Variants in FEZF2 observed in about 807,000 individuals in gnomAD.
FEZF2 encodes the protein fez family zinc finger protein 2.
FEZF2 carries 2 observed loss-of-function variants against 32.8 expected under a neutral mutation model. The observed-to-expected ratio is 0.06, with a 90% CI of 0.02 to 0.19. The LOEUF (loss-of-function observed/expected upper bound fraction) is 0.19. Among genes scored for constraint, FEZF2 ranks in the 10% least tolerant of loss-of-function variants. The pLI is 1.00. For missense variants in FEZF2, 516 were observed against 625.4 expected, an observed-to-expected ratio of 0.83 and a Z score of 1.87; for synonymous variants, 322 against 284.8, an observed-to-expected ratio of 1.13 and a Z score of -1.32.
rs1405998787 is a variant in FEZF2, at chr3:62,370,966, G to T, written c.1120+251C>A. 6.6e-6 allele frequency among the ~76,000 whole-genome samples: 1 copy of T among 152,066 alleles called. No homozygotes were observed. The highest frequency in any genetic ancestry group is 1.5e-5 in the Non-Finnish European group (1 of 68,012). ...TCCTTTTCCTACATCCTTTCCTTCT[G>T]TCCCCGTGCTTCCTTCGACCTCTCG... On this transcript the variant is annotated intron_variant, in intron 4 of 4. Coordinates refer to ENST00000283268, the MANE Select transcript of FEZF2 (RefSeq NM_018008.4). This position sits in a 1 kb window ranked among gnomAD's most constrained non-coding sequence, Gnocchi z 4.2.
Position 62,370,575 on chromosome 3 carries a change from C to T in FEZF2, c.1121-233G>A, listed in dbSNP as rs553146371. On this transcript the variant is annotated intron_variant, in intron 4 of 4. Transcript: ENST00000283268. The surrounding 1 kb of genome is among the most constrained non-coding windows in gnomAD (Gnocchi z 4.2). The stretch of plus-strand genomic sequence containing the variant: ...GAGCCGCTCTGCGCTCCTGCTCTGC[C>T]CGCCACAGAGGCTGGTGCAGCTTCC... 9.2e-5 allele frequency among the ~76,000 whole-genome samples: 14 copies of T among 152,340 alleles called. No individual in the cohort carries two copies. The highest frequency in any genetic ancestry group is 9.1e-4 in the Admixed American group (14 of 15,306).
Position 62,372,906 on chromosome 3 carries a change from C to T in FEZF2, c.-38G>A. ...TGAGCCGAGCCAGGCTGGGCCAGGG[C>T]GCAGCCTCTCTCCTCTAAGTCTGCA... On this transcript the variant is annotated 5_prime_UTR_variant, in exon 2 of 5. Transcript: ENST00000283268. The surrounding 1 kb of genome is among the most constrained non-coding windows in gnomAD (Gnocchi z 9.6). 1 of 1,360,452 alleles carries T rather than the reference C, an allele frequency of 7.4e-7. No individual in the cohort carries two copies. The highest frequency in any genetic ancestry group is 9.5e-7 in the Non-Finnish European group (1 of 1,050,670). The allele number at this position is 1,360,452 out of a possible 1,614,324, so 84.3% of individuals were successfully genotyped here. A position where few individuals can be genotyped will look rare whatever the true frequency, so the allele number is the denominator to read the frequency against.
chr3:62,372,524 G>C lies in FEZF2; in HGVS notation c.345C>G (p.Gly115=), dbSNP rs556316506. 2,676 of 1,260,302 alleles carry C rather than the reference G, an allele frequency of 2.1e-3. 30 individuals are homozygous for C. The African/African-American group carries it at 0.033, about 16-fold the overall frequency. The allele number at this position is 1,260,302 out of a possible 1,614,324, so 78.1% of individuals were successfully genotyped here. The change falls in exon 2 of 5, where the codon GGC becomes GGG. Residue 115 remains glycine, a synonymous_variant. Coordinates refer to ENST00000283268, the MANE Select transcript of FEZF2 (RefSeq NM_018008.4). This position sits in a 1 kb window ranked among gnomAD's most constrained non-coding sequence, Gnocchi z 9.6. Reference sequence around the variant, plus strand: ...TGGCGCCGCACACTGGGGCCCCCCCGCCGCCGCCGCCGCCACCGCCGCCGC... The same window carrying C: ...TGGCGCCGCACACTGGGGCCCCCCCCCCGCCGCCGCCGCCACCGCCGCCGC... The part of the protein sequence containing the change: ...GGGGGGGGGG[G]GGAPVCGASG...
At chr3:62,371,410 A>AT (rs1237558619) in intron 3 of FEZF2, 61 bp from the exon 4 acceptor site, 1 of 1,589,114 alleles carries the variant, frequency 6.3e-7, no homozygotes, top group East Asian at 2.2e-5. Context: ...TGGAAGGGAC[A>AT]TCCCCCCCAC....
chr3:62,372,340 A>C lies in FEZF2; in HGVS notation c.529T>G (p.Ser177Ala). Reference sequence around the variant, plus strand: ...AGCTCAGACGGCGGGTACGCGGTCGAGTCCAGGTAGTTGAAGTAGTAGAGC... The same window carrying C: ...AGCTCAGACGGCGGGTACGCGGTCGCGTCCAGGTAGTTGAAGTAGTAGAGC... ...GSLYYFNYLD[S>A]TAYPPSELLS... The change falls in exon 2 of 5, where the codon TCG becomes GCG. Residue 177 changes from serine to alanine, a missense_variant. Physicochemically the swap from Ser to Ala is moderately conservative, Grantham distance 99. Coordinates refer to ENST00000283268, the MANE Select transcript of FEZF2 (RefSeq NM_018008.4). The surrounding 1 kb of genome is among the most constrained non-coding windows in gnomAD (Gnocchi z 9.6). The C allele has an allele frequency of 6.2e-7, 1 of 1,610,554 alleles. No homozygotes were observed. Among genetic ancestry groups the C allele is most frequent in the Non-Finnish European group, 8.5e-7 (1 of 1,179,666 alleles).
intron 2 of FEZF2, 121 bp from the exon 3 acceptor site, chr3:62,371,788 G>C: frequency 6.8e-7 from 1 of 1,464,704 alleles, no homozygotes; most frequent in Non-Finnish European, 9.1e-7. Flanking sequence ...GCCTTTTTCA[G>C]TTTGTAAAGT....
intron 2 of FEZF2, 75 bp downstream of exon 2, chr3:62,371,942 A>C: frequency 6.5e-7 from 1 of 1,537,400 alleles, no homozygotes; most frequent in Non-Finnish European, 8.7e-7. Context: ...AAAAAGGGGC[A>C]TTCCAGGCTG....
At chr3:62,371,754 C>A (rs896796678) in intron 2 of FEZF2, 87 bp from the exon 3 acceptor site, 2 of 1,524,682 alleles carry the variant, frequency 1.3e-6, no homozygotes, top group African/African-American at 1.4e-5. Flanking sequence ...CCTCCCCCAA[C>A]CAACACCCCC....
At position 62,372,530 on chromosome 3, in the gene FEZF2, G is replaced by A. The variant is rs1559837368; in HGVS notation, c.339C>T (p.Gly113=). The change falls in exon 2 of 5, where the codon GGC becomes GGT. Residue 113 remains glycine, a synonymous_variant. Coordinates refer to ENST00000283268, the MANE Select transcript of FEZF2 (RefSeq NM_018008.4). This position sits in a 1 kb window ranked among gnomAD's most constrained non-coding sequence, Gnocchi z 9.6. ...GGGGGGGGGG[G]GGGGAPVCGA... is the part of the protein sequence containing the mutation. ...CGCACACTGGGGCCCCCCCGCCGCC[G>A]CCGCCGCCACCGCCGCCGCCGCCTC... The A allele has an allele frequency of 3.1e-6, 4 of 1,303,852 alleles. No homozygotes were observed. The highest frequency in any genetic ancestry group is 6.0e-5 in the South Asian group (2 of 33,384). The allele number at this position is 1,303,852 out of a possible 1,614,324, so 80.8% of individuals were successfully genotyped here.
chr3:62,372,958 G>A lies in FEZF2; in HGVS notation c.-58-32C>T, dbSNP rs982012530. 7 of 1,253,676 alleles carry A rather than the reference G, an allele frequency of 5.6e-6. No homozygotes were observed. Among genetic ancestry groups the A allele is most frequent in the Non-Finnish European group, 7.2e-6 (7 of 972,216 alleles). 77.7% of individuals were successfully genotyped at this position (1,253,676 alleles called of 1,614,324 possible). On this transcript the variant is annotated intron_variant, in intron 1 of 4. Coordinates refer to ENST00000283268, the MANE Select transcript of FEZF2 (RefSeq NM_018008.4). This position sits in a 1 kb window ranked among gnomAD's most constrained non-coding sequence, Gnocchi z 9.6. ...TCCGGAAAAGGCAGGGGGGAAAACT[G>A]CAATTTAATAAGCACCTAGTCGGGC...
In FEZF2 at chr3:62,370,470, C is replaced by G; in HGVS notation, c.1121-128G>C. ...CGACGCTTGGCTAGGCGGGCGCGAC[C>G]TCTTCGAGTGAAGAAGTTGTCAAAC... is the stretch of plus-strand genomic sequence containing the variant. On this transcript the variant is annotated intron_variant, in intron 4 of 4. Coordinates refer to ENST00000283268, the MANE Select transcript of FEZF2 (RefSeq NM_018008.4). The surrounding 1 kb of genome is among the most constrained non-coding windows in gnomAD (Gnocchi z 4.2). 3 of 930,230 alleles carry G rather than the reference C, an allele frequency of 3.2e-6. No individual in the cohort carries two copies. Among genetic ancestry groups the G allele is most frequent in the East Asian group, 2.4e-5 (1 of 41,438 alleles). 57.6% of individuals were successfully genotyped at this position (930,230 alleles called of 1,614,324 possible).
intron 3 of FEZF2, 57 bp from the exon 4 acceptor site, chr3:62,371,406 G>A: frequency 6.3e-7 from 1 of 1,592,020 alleles, no homozygotes; most frequent in Non-Finnish European, 8.6e-7. Context: ...CACCTGGAAG[G>A]GACATCCCCC....
intron 2 of FEZF2, 30 bp downstream of exon 2, chr3:62,371,987 C>A (rs754993679): frequency 5.0e-6 from 8 of 1,591,910 alleles, no homozygotes; most frequent in Non-Finnish European, 6.8e-6. Context: ...TCGCCCCTCC[C>A]GGCCCCCCTC....
chr3:62,372,479 G>C lies in FEZF2; in HGVS notation c.390C>G (p.Asn130Lys). 1 of 1,578,154 alleles carries C rather than the reference G, an allele frequency of 6.3e-7. No individual in the cohort carries two copies. The highest frequency in any genetic ancestry group is 8.6e-7 in the Non-Finnish European group (1 of 1,164,944). ...VCGASGLCKT[N>K]CGVCCKAELG... Reference sequence around the variant, plus strand: ...GCTCGGCCTTGCAGCACACGCCACAGTTGGTTTTGCACAAGCCGCTGGCGC... The same window carrying C: ...GCTCGGCCTTGCAGCACACGCCACACTTGGTTTTGCACAAGCCGCTGGCGC... Residue 130 changes from asparagine to lysine, a missense_variant, in exon 2 of 5, where the codon AAC becomes AAG. Physicochemically the swap from Asn to Lys is moderately conservative, Grantham distance 94. Transcript: ENST00000283268. The surrounding 1 kb of genome is among the most constrained non-coding windows in gnomAD (Gnocchi z 9.6).
chr3:62,371,500 G>C, intron 3 of FEZF2, 33 bp downstream of exon 3: 5 of 1,594,266 alleles, frequency 3.1e-6, no homozygotes, highest in Non-Finnish European at 4.3e-6. Flanking sequence ...TGGGGGTTGC[G>C]CGCGGGCTAG....
chr3:62,371,811 C>G (rs965446256), intron 2 of FEZF2, 144 bp from the exon 3 acceptor site: 2 of 1,393,886 alleles, frequency 1.4e-6, no homozygotes, highest in Admixed American at 2.5e-5. Flanking sequence ...TGCCCAAACT[C>G]CTGCTTACAC....
chr3:62,372,119 C>A lies in FEZF2; in HGVS notation c.750G>T (p.Ser250=), dbSNP rs1006842890. 1.2e-5 allele frequency: 19 copies of A among 1,601,894 alleles called. No homozygotes were observed. The highest frequency in any genetic ancestry group is 3.5e-5 in the Admixed American group (2 of 57,902). ...APLEQVLKEN[S]ALTAERGGVK... ...CGCCTCCGCGCTCGGCAGTCAGGGCCGAGTTTTCCTTCAGTACCTGCTCCA... is the reference window on the plus strand; with the variant it reads ...CGCCTCCGCGCTCGGCAGTCAGGGCAGAGTTTTCCTTCAGTACCTGCTCCA... Residue 250 remains serine, a synonymous_variant, in exon 2 of 5, where the codon TCG becomes TCT. Coordinates refer to ENST00000283268, the MANE Select transcript of FEZF2 (RefSeq NM_018008.4). This position sits in a 1 kb window ranked among gnomAD's most constrained non-coding sequence, Gnocchi z 9.6.
chr3:62,372,483 G>T lies in FEZF2; in HGVS notation c.386C>A (p.Thr129Asn). The part of the protein sequence containing the change: ...PVCGASGLCK[T>N]NCGVCCKAEL... ...GGCCTTGCAGCACACGCCACAGTTG[G>T]TTTTGCACAAGCCGCTGGCGCCGCA... is the stretch of plus-strand genomic sequence containing the variant. The change falls in exon 2 of 5, where the codon ACC becomes AAC. Residue 129 changes from threonine (T) to asparagine (N), a missense_variant. Transcript: ENST00000283268. This position sits in a 1 kb window ranked among gnomAD's most constrained non-coding sequence, Gnocchi z 9.6. 2 of 1,538,656 alleles carry T rather than the reference G, an allele frequency of 1.3e-6. No homozygotes were observed. The highest frequency in any genetic ancestry group is 8.7e-7 in the Non-Finnish European group (1 of 1,145,920).
chr3:62,369,817 G>T lies in FEZF2; in HGVS notation c.*266C>A. On this transcript the variant is annotated 3_prime_UTR_variant, in exon 5 of 5. Transcript: ENST00000283268. The surrounding 1 kb of genome is among the most constrained non-coding windows in gnomAD (Gnocchi z 4.2). ...TGACAGGCTGGGGTTAAAACTGGCT[G>T]CCCCAGGAGAAGCGGAGGCCTGGAA... The T allele has an allele frequency of 2.4e-6, 1 of 425,438 alleles. No homozygotes were observed. The highest frequency in any genetic ancestry group is 3.2e-5 in the South Asian group (1 of 30,900). 26.4% of individuals were successfully genotyped at this position (425,438 alleles called of 1,614,324 possible). A position where few individuals can be genotyped will look rare whatever the true frequency, so the allele number is the denominator to read the frequency against.
Sources: allele counts gnomAD v4.1 joint callset (sites outside exome capture counted in the v4.1 genomes callset), GRCh38; gene constraint gnomAD v4.1.1; non-coding constraint Gnocchi (gnomAD v3.1); transcripts MANE v1.5; gene names NCBI Gene and HGNC (gene_info 2026-07-23, HGNC 2026-07-21).